FAT3: variants seen among roughly 807,000 people sequenced by gnomAD.
The protein encoded by FAT3 is FAT atypical cadherin 3.
In FAT3, 95 loss-of-function variants were observed where a neutral mutation model predicts 310.2. That is an observed-to-expected ratio of 0.31 (90% CI 0.26 to 0.36). The LOEUF is 0.36. Among genes scored for constraint, FAT3 ranks in the 10% least tolerant of loss-of-function variants. FAT3 has a pLI of 1.00. For synonymous variants in FAT3, 2,314 were observed against 2,192.9 expected (o/e 1.06, Z -1.54); for missense variants, 5,408 against 5,715.6 (o/e 0.95, Z 1.74).
chr11:92,560,555 G>T (rs12223286), intron 3 of FAT3, among the ~76,000 whole-genome samples: 13 of 151,702 alleles, frequency 8.6e-5, no homozygotes, highest in African/African-American at 3.1e-4. Flanking sequence ...TCTTACTTTT[G>T]TTGTTCTAAG....
intron 2 of FAT3, among the ~76,000 whole-genome samples, chr11:92,442,111 A>ATTTTTTTTTTTTTTTTTTTTTTTT (rs869097021): frequency 2.2e-5 from 1 of 45,218 alleles, no homozygotes; most frequent in African/African-American, 1.8e-4. Context: ...ATATATATAT[A>ATTTTTTTTTTTTTTTTTTTTTTTT]TTTTTTTTTT....
At chr11:92,618,757 G>C (rs1383317856) in intron 3 of FAT3, among the ~76,000 whole-genome samples, 2 of 151,146 alleles carry the variant, frequency 1.3e-5, no homozygotes, top group African/African-American at 4.9e-5. Flanking sequence ...TATTCCTAAG[G>C]GTCTTCTATA....
Position 92,640,538 on chromosome 11 carries a change from T to G in FAT3, c.3608-56846T>G, listed in dbSNP as rs191019099. ...ACAGGTTAGAAACATGAGAAAGTTTTAGTGTAAATGCATACACATAAAAGT... is the reference window on the plus strand; with the variant it reads ...ACAGGTTAGAAACATGAGAAAGTTTGAGTGTAAATGCATACACATAAAAGT... On this transcript the variant is annotated intron_variant, in intron 3 of 27. Transcript: ENST00000525166. Among the ~76,000 whole-genome samples the G allele has an allele frequency of 4.2e-3, 645 of 152,294 alleles. 3 individuals carry two copies. The highest frequency in any genetic ancestry group is 0.015 in the African/African-American group (613 of 41,550).
chr11:92,760,845 T>C (rs149182506), intron 4 of FAT3, among the ~76,000 whole-genome samples: 1 of 152,332 alleles, frequency 6.6e-6, no homozygotes, highest in African/African-American at 2.4e-5. Flanking sequence ...GTGAAAATTA[T>C]GTATGTGCTC....
In FAT3 at chr11:92,896,049, G is replaced by T. The variant is rs1452230088; in HGVS notation, c.*4936G>T. 6.6e-6 allele frequency: 1 copy of T among 152,006 alleles called. No individual in the cohort carries two copies. The highest frequency in any genetic ancestry group is 1.5e-5 in the Non-Finnish European group (1 of 67,980). 9.4% of individuals were successfully genotyped at this position (152,006 alleles called of 1,614,324 possible). A position where few individuals can be genotyped will look rare whatever the true frequency, so the allele number is the denominator to read the frequency against. ...ACTTTCTCTGTTTTCAAGAAAAATTGTCTTTATTGACATTTGTAAAAAAGA... is the reference window on the plus strand; with the variant it reads ...ACTTTCTCTGTTTTCAAGAAAAATTTTCTTTATTGACATTTGTAAAAAAGA... On this transcript the variant is annotated 3_prime_UTR_variant, in exon 28 of 28. Coordinates refer to ENST00000525166, the MANE Select transcript of FAT3 (RefSeq NM_001367949.2).
At chr11:92,822,987 T>C (rs1049115723) in intron 13 of FAT3, among the ~76,000 whole-genome samples, 3 of 152,198 alleles carry the variant, frequency 2.0e-5, no homozygotes, top group African/African-American at 7.2e-5. Flanking sequence ...CCTTCAGGAC[T>C]CAATCCATTT....
At chr11:92,614,254 A>G (rs964572699) in intron 3 of FAT3, among the ~76,000 whole-genome samples, 1 of 152,172 alleles carries the variant, frequency 6.6e-6, no homozygotes, top group African/African-American at 2.4e-5. Flanking sequence ...CATTTGTCTT[A>G]GGAATATACA....
chr11:92,629,651 TCC>T (rs1941479433), intron 3 of FAT3, among the ~76,000 whole-genome samples: 8 of 152,194 alleles, frequency 5.3e-5, no homozygotes, highest in Middle Eastern at 3.4e-3. Flanking sequence ...TCTCAAGCAA[TCC>T]TCCTGCCTCA....
Position 92,524,871 on chromosome 11 carries a change from C to T in FAT3, c.3530C>T (p.Ser1177Phe), listed in dbSNP as rs1194352424. 3 of 1,613,786 alleles carry T rather than the reference C, an allele frequency of 1.9e-6. No individual in the cohort carries two copies. Among genetic ancestry groups the T allele is most frequent in the Non-Finnish European group, 2.5e-6 (3 of 1,179,820 alleles). The change falls in exon 3 of 28, where the codon TCC (serine) becomes TTC (phenylalanine). Residue 1177 changes from serine to phenylalanine, a missense_variant. By Grantham distance (155) the Ser-to-Phe change is radical (BLOSUM62 -2). Transcript: ENST00000525166. ...CAGATCCAGGCTGAAGATCCTGACTCCAGTTCCAATGAAAAACTGACATAC... is the reference window on the plus strand; with the variant it reads ...CAGATCCAGGCTGAAGATCCTGACTTCAGTTCCAATGAAAAACTGACATAC... ...VIQIQAEDPD[S>F]SSNEKLTYRI...
chr11:92,565,701 G>A (rs1955408112), intron 3 of FAT3, among the ~76,000 whole-genome samples: 1 of 150,628 alleles, frequency 6.6e-6, no homozygotes, highest in South Asian at 2.1e-4. Flanking sequence ...GATCAAGTGG[G>A]CTTCATCCCT....
chr11:92,400,475 C>A (rs563101179), intron 2 of FAT3: 1 of 151,974 alleles, frequency 6.6e-6, no homozygotes, highest in East Asian at 1.9e-4. Context: ...GTAAATGGAC[C>A]AAATTATGAA....
intron 1 of FAT3, among the ~76,000 whole-genome samples, chr11:92,242,854 C>T (rs571919418): frequency 6.6e-6 from 1 of 151,892 alleles, no homozygotes. Context: ...GAGTTCTGAG[C>T]TTGATGCTCT....
chr11:92,528,389 T>A (rs1216848876), intron 3 of FAT3, among the ~76,000 whole-genome samples: 1 of 152,138 alleles, frequency 6.6e-6, no homozygotes, highest in Non-Finnish European at 1.5e-5. Flanking sequence ...CCTCTTTGGG[T>A]GAGCAGGAAT....
intron 2 of FAT3, among the ~76,000 whole-genome samples, chr11:92,505,383 G>A (rs1307177318): frequency 6.6e-6 from 1 of 152,052 alleles, no homozygotes; most frequent in Non-Finnish European, 1.5e-5. Flanking sequence ...CCTGGCTGTG[G>A]GTGTCTGTTT....
intron 1 of FAT3, among the ~76,000 whole-genome samples, chr11:92,306,916 G>A (rs1179370536): frequency 1.3e-5 from 2 of 149,066 alleles, no homozygotes; most frequent in African/African-American, 2.5e-5. Flanking sequence ...TTAGCCTCCT[G>A]AGTAGCTGGG....
At position 92,391,493 on chromosome 11, in the gene FAT3, G is replaced by A. The variant is rs183640061; in HGVS notation, c.3292+36089G>A. On this transcript the variant is annotated intron_variant, in intron 2 of 27. Coordinates refer to ENST00000525166, the MANE Select transcript of FAT3 (RefSeq NM_001367949.2). ...AATAGTTCTTTATCTCAACCTCTTA[G>A]TTCCTAGGTCTGTACTTTACACAGG... is the stretch of plus-strand genomic sequence containing the variant. Among the ~76,000 whole-genome samples, 12 of 152,218 alleles carry A rather than the reference G, an allele frequency of 7.9e-5. No homozygotes were observed. In the East Asian group the frequency reaches 2.1e-3, roughly 27 times the overall value.
intron 2 of FAT3, among the ~76,000 whole-genome samples, chr11:92,503,329 T>C (rs2135280391): frequency 6.6e-6 from 1 of 152,250 alleles, no homozygotes; most frequent in East Asian, 1.9e-4. Context: ...TTAGCAGCTA[T>C]GATTAGTAAT....
At chr11:92,392,275 A>T (rs953020915) in intron 2 of FAT3, among the ~76,000 whole-genome samples, 1 of 152,184 alleles carries the variant, frequency 6.6e-6, no homozygotes, top group African/African-American at 2.4e-5. Context: ...TACTAGTATT[A>T]CAAAATAATA....
intron 3 of FAT3, among the ~76,000 whole-genome samples, chr11:92,613,879 C>A (rs1377751123): frequency 1.3e-5 from 2 of 152,146 alleles, no homozygotes; most frequent in African/African-American, 4.8e-5. Context: ...AAACATTTTA[C>A]CCATTATCAG....
Sources: gnomAD v4.1 joint callset for allele counts (sites outside exome capture counted in the v4.1 genomes callset) on GRCh38, gnomAD v4.1.1 for gene constraint, MANE v1.5 for transcripts, NCBI Gene and HGNC (gene_info 2026-07-23, HGNC 2026-07-21) for gene names.